The following SERPINA5 variants were observed in gnomAD, a reference collection of about 807,000 sequenced individuals.
SERPINA5 encodes the protein serpin family A member 5.
Under a neutral mutation model 25.3 loss-of-function variants are expected in SERPINA5, and 25 were observed. The ratio of observed to expected loss-of-function variants is 0.99; its 90% CI spans 0.72 to 1.38. The LOEUF is 1.38. Among genes scored for constraint, SERPINA5 ranks in the 40% most tolerant of loss-of-function variants. The probability of loss-of-function intolerance (pLI) is 0.00; values close to 1 mark genes in which losing one functional copy is unlikely to be tolerated. For synonymous variants in SERPINA5, 234 were observed against 206.2 expected, an observed-to-expected ratio of 1.14 and a Z score of -1.16; for missense variants, 599 against 509.5, an observed-to-expected ratio of 1.18 and a Z score of -1.69.
rs1034534618 is a variant in SERPINA5 at position 94,590,893 on chromosome 14, T to G, written c.1035T>G (p.Ser345=). Residue 345 remains serine, a synonymous_variant, in exon 5 of 6, where the codon TCT becomes TCG. Coordinates refer to ENST00000329597, the MANE Select transcript of SERPINA5 (RefSeq NM_000624.6). ...GCAACCACTCAAATATCCAGGTGTC[T>G]GAGGTGGGTTCAGAAGCTCCTATGC... The part of the protein sequence containing the change: ...GISNHSNIQV[S]EMVHKAVVEV... The G allele has an allele frequency of 6.2e-7, 1 of 1,610,212 alleles. No individual in the cohort carries two copies. The highest frequency in any genetic ancestry group is 8.5e-7 in the Non-Finnish European group (1 of 1,177,544).
intron 2 of SERPINA5, among the ~76,000 whole-genome samples, chr14:94,586,650 C>T (rs368000737): frequency 2.6e-5 from 4 of 152,138 alleles, no homozygotes; most frequent in African/African-American, 9.7e-5. Context: ...GGGCACAATT[C>T]AGCCAGAACA....
At position 94,592,745 on chromosome 14, in the gene SERPINA5, G is replaced by C. The variant is rs115571396; in HGVS notation, c.*506G>C. The C allele has an allele frequency of 4.0e-3, 620 of 153,970 alleles. 6 individuals carry two copies. The highest frequency in any genetic ancestry group is 0.014 in the African/African-American group (568 of 41,572). 9.5% of individuals were successfully genotyped at this position (153,970 alleles called of 1,614,324 possible). A position where few individuals can be genotyped will look rare whatever the true frequency, so the allele number is the denominator to read the frequency against. On this transcript the variant is annotated 3_prime_UTR_variant, in exon 6 of 6. Coordinates refer to ENST00000329597, the MANE Select transcript of SERPINA5 (RefSeq NM_000624.6). The stretch of plus-strand genomic sequence containing the variant: ...GCTACTGTTTCAGTCCTAATGTGCT[G>C]TGTGACATTGGGACAACACTTTCCC...
At chr14:94,591,376 CCTCCA>C (rs1423953055) in intron 5 of SERPINA5, among the ~76,000 whole-genome samples, 7 of 147,024 alleles carry the variant, frequency 4.8e-5, no homozygotes, top group East Asian at 4.2e-4. Context: ...CCATTCCACT[CCTCCA>C]CTCCACTCCA....
At chr14:94,585,764 CGT>C (rs3138588) in intron 2 of SERPINA5, among the ~76,000 whole-genome samples, 3,289 of 145,688 alleles carry the variant, frequency 0.023, 54 homozygotes, top group African/African-American at 0.046. Context: ...CAGGCTCACA[CGT>C]GTGTGTGTGT....
chr14:94,591,554 A>G (rs149632555), intron 5 of SERPINA5, among the ~76,000 whole-genome samples: 8 of 123,264 alleles, frequency 6.5e-5, no homozygotes, highest in East Asian at 2.7e-4. Flanking sequence ...GTTCTGTTCT[A>G]TTCTATTCTA....
In SERPINA5 at chr14:94,590,231, C is replaced by T. The variant is rs781007384; in HGVS notation, c.810C>T (p.Pro270=). 3.7e-6 allele frequency: 6 copies of T among 1,613,914 alleles called. No homozygotes were observed. Among genetic ancestry groups the T allele is most frequent in the South Asian group, 1.1e-5 (1 of 91,064 alleles). The change falls in exon 4 of 6, where the codon CCC becomes CCT. Residue 270 remains proline, a synonymous_variant. Coordinates refer to ENST00000329597, the MANE Select transcript of SERPINA5 (RefSeq NM_000624.6). Reference sequence around the variant, plus strand: ...ATGCCACGGCTTTGTTCATTCTCCCCAGTGAGGGAAAGATGCAGCAGGTGG... The same window carrying T: ...ATGCCACGGCTTTGTTCATTCTCCCTAGTGAGGGAAAGATGCAGCAGGTGG... The part of the protein sequence containing the change: ...QGNATALFIL[P]SEGKMQQVEN...
At chr14:94,588,083 T>A in intron 3 of SERPINA5, 102 bp downstream of exon 3, 1 of 1,447,960 alleles carries the variant, frequency 6.9e-7, no homozygotes. Context: ...GGGGAGTACG[T>A]TAAGTTCTTT....
rs2747117 is a variant in SERPINA5, at chr14:94,585,744, T to G, written c.-17-1602T>G. On this transcript the variant is annotated intron_variant, in intron 2 of 5. Transcript: ENST00000329597. ...CTCTGCACCTGGTAATTAGCCAGCC[T>G]GGGTGCTGTCAGGCTCACACGTGTG... Among the ~76,000 whole-genome samples, 141 of 151,512 alleles carry G rather than the reference T, an allele frequency of 9.3e-4. 1 individual carries two copies. Among genetic ancestry groups the G allele is most frequent in the African/African-American group, 3.3e-3 (136 of 41,310 alleles).
chr14:94,591,721 T>A (rs1301345297), intron 5 of SERPINA5, among the ~76,000 whole-genome samples: 1 of 152,196 alleles, frequency 6.6e-6, no homozygotes, highest in Non-Finnish European at 1.5e-5. Flanking sequence ...TAAGGAGTCC[T>A]GTTTTAAACA....
chr14:94,591,491 C>A (rs561941142), intron 5 of SERPINA5, among the ~76,000 whole-genome samples: 7 of 151,118 alleles, frequency 4.6e-5, no homozygotes, highest in African/African-American at 1.7e-4. Context: ...ACTCCTCTCC[C>A]CTCCACTCCA....
In SERPINA5 at chr14:94,592,291, C is replaced by T. The variant is rs774721721; in HGVS notation, c.*52C>T. On this transcript the variant is annotated 3_prime_UTR_variant, in exon 6 of 6. Transcript: ENST00000329597. ...GCCTCAGGGTGGGAGATGAAGGGGGCTAAGCTATGGCCCATCTGTATGCTG... is the reference window on the plus strand; with the variant it reads ...GCCTCAGGGTGGGAGATGAAGGGGGTTAAGCTATGGCCCATCTGTATGCTG... 10 of 1,552,714 alleles carry T rather than the reference C, an allele frequency of 6.4e-6. No homozygotes were observed. The African/African-American group carries it at 1.4e-4, about 21-fold the overall frequency.
intron 2 of SERPINA5, chr14:94,587,106 A>T (rs1885114198): frequency 8.7e-6 from 4 of 462,308 alleles, no homozygotes; most frequent in Non-Finnish European, 1.5e-5. Flanking sequence ...TGGCAGCCAG[A>T]CCCCTGCCTT....
chr14:94,585,372 A>G (rs12887123), intron 2 of SERPINA5, among the ~76,000 whole-genome samples: 44,658 of 151,794 alleles, frequency 0.29, 6,853 homozygotes, highest in Non-Finnish European at 0.34. Context: ...CCTTCTCGGA[A>G]GGAGCTCAGG....
At chr14:94,587,298 C>A in intron 2 of SERPINA5, 48 bp from the exon 3 acceptor site, 1 of 1,507,114 alleles carries the variant, frequency 6.6e-7, no homozygotes, top group Admixed American at 2.1e-5. Flanking sequence ...AAAGTCAGCA[C>A]CTGGACCAGC....
intron 3 of SERPINA5, 119 bp from the exon 4 acceptor site, chr14:94,589,922 C>A: frequency 1.1e-6 from 1 of 927,604 alleles, no homozygotes; most frequent in Non-Finnish European, 1.6e-6. Flanking sequence ...TGCTCTGGGG[C>A]TGCCATAAAG....
rs367832464 is a variant in SERPINA5, at chr14:94,587,936, G to C, written c.574G>C (p.Asp192His). ...GKIVDLLKNL[D>H]SNAVVIMVNY... ...GATTGTGGACTTGCTTAAGAACCTC[G>C]ATAGCAATGCGGTCGTGATCATGGT... The change falls in exon 3 of 6, where the codon GAT becomes CAT. Residue 192 changes from aspartate (D) to histidine (H), a missense_variant. Physicochemically the swap from Asp to His is moderately conservative, Grantham distance 81 (BLOSUM62 -1). Transcript: ENST00000329597. 6.2e-7 allele frequency: 1 copy of C among 1,614,120 alleles called. No homozygotes were observed. The highest frequency in any genetic ancestry group is 8.5e-7 in the Non-Finnish European group (1 of 1,180,040).
At position 94,590,056 on chromosome 14, in the gene SERPINA5, G is replaced by A; in HGVS notation, c.635G>A (p.Ser212Asn). ...TCATCTTTAGCTAAGTGGGAGACAA[G>A]CTTCAACCACAAAGGCACCCAAGAG... ...YIFFKAKWET[S>N]FNHKGTQEQD... The change falls in exon 4 of 6, where the codon AGC (serine) becomes AAC (asparagine). Residue 212 changes from serine (S) to asparagine (N), a missense_variant. Ser to Asn is a conservative substitution (Grantham distance 46, BLOSUM62 1). Coordinates refer to ENST00000329597, the MANE Select transcript of SERPINA5 (RefSeq NM_000624.6). The A allele has an allele frequency of 7.6e-6, 12 of 1,585,192 alleles. No homozygotes were observed. The highest frequency in any genetic ancestry group is 1.0e-5 in the Non-Finnish European group (12 of 1,159,896).
chr14:94,588,240 A>T (rs751176858), intron 3 of SERPINA5, among the ~76,000 whole-genome samples: 21 of 152,186 alleles, frequency 1.4e-4, no homozygotes, highest in Non-Finnish European at 2.6e-4. Flanking sequence ...CCCTGGGGAC[A>T]TCTGAAGCCC....
At chr14:94,588,276 G>A (rs1343782274) in intron 3 of SERPINA5, among the ~76,000 whole-genome samples, 1 of 152,142 alleles carries the variant, frequency 6.6e-6, no homozygotes, top group African/African-American at 2.4e-5. Flanking sequence ...TCTGAAGTAT[G>A]AACCCATTGT....
Sources: allele counts gnomAD v4.1 joint callset (sites outside exome capture counted in the v4.1 genomes callset), GRCh38; gene constraint gnomAD v4.1.1; transcripts MANE v1.5; gene names NCBI Gene and HGNC (gene_info 2026-07-23, HGNC 2026-07-21).